USP47: variants seen among roughly 807,000 people sequenced by gnomAD.
The protein encoded by USP47 is ubiquitin carboxyl-terminal hydrolase 47.
Under a neutral mutation model 165.1 loss-of-function variants are expected in USP47, and 35 were observed. The observed-to-expected ratio is 0.21, with a 90% CI of 0.16 to 0.28. The LOEUF is 0.28. Among genes scored for constraint, USP47 ranks in the 10% least tolerant of loss-of-function variants. USP47 has a pLI of 1.00. For missense variants in USP47, 1,277 were observed against 1,607.4 expected, an observed-to-expected ratio of 0.79 and a Z score of 3.52; for synonymous variants, 531 against 544.5, an observed-to-expected ratio of 0.98 and a Z score of 0.35.
At chr11:11,878,798 TG>T (rs746505540) in intron 1 of USP47, 3 of 152,142 alleles carry the variant, frequency 2.0e-5, no homozygotes, top group Non-Finnish European at 4.4e-5. Context: ...AACCCAAAAT[TG>T]TGTGTCACAG....
chr11:11,931,748 T>TA (rs1310834288), intron 14 of USP47, among the ~76,000 whole-genome samples: 1 of 151,970 alleles, frequency 6.6e-6, no homozygotes, highest in Non-Finnish European at 1.5e-5. Flanking sequence ...CTGTTTTTGA[T>TA]AAAATTTTTT....
intron 27 of USP47, 44 bp downstream of exon 27, chr11:11,955,208 G>A (rs757361957): frequency 1.3e-6 from 2 of 1,595,094 alleles, no homozygotes; most frequent in Admixed American, 1.8e-5. Context: ...ATACATTTTT[G>A]GCGTGCATAC....
intron 15 of USP47, 128 bp from the exon 16 acceptor site, chr11:11,933,703 T>C: frequency 1.6e-6 from 1 of 618,596 alleles, no homozygotes; most frequent in Non-Finnish European, 2.8e-6. Context: ...AAAGAATAGA[T>C]AGAAGAGTGA....
chr11:11,902,615 C>A (rs1460969128), intron 5 of USP47, 100 bp from the exon 6 acceptor site: 3 of 890,562 alleles, frequency 3.4e-6, no homozygotes, highest in Non-Finnish European at 4.7e-6. Context: ...TGTATAGCTT[C>A]CAGGATTAAA....
At chr11:11,906,939 T>C (rs1360993460) in intron 8 of USP47, among the ~76,000 whole-genome samples, 2 of 152,176 alleles carry the variant, frequency 1.3e-5, no homozygotes. Flanking sequence ...ATATGGACTA[T>C]TTTTTATACC....
At position 11,959,192 on chromosome 11, in the gene USP47, CT is replaced by C. The variant is rs1847346481; in HGVS notation, c.*3019del. The C allele has an allele frequency of 6.6e-6, 1 of 152,150 alleles. No individual in the cohort carries two copies. Among genetic ancestry groups the C allele is most frequent in the African/African-American group, 2.4e-5 (1 of 41,426 alleles). The allele number at this position is 152,150 out of a possible 1,614,324, so 9.4% of individuals were successfully genotyped here. Reference sequence around the variant, plus strand: ...TCCTTTTTGATTGGATACTGTAGTTCTTCCTCTGGATTTTATTTTGTTCAGC... The same window carrying C: ...TCCTTTTTGATTGGATACTGTAGTTCTCCTCTGGATTTTATTTTGTTCAGC... On this transcript the variant is annotated 3_prime_UTR_variant, in exon 28 of 28. Coordinates refer to ENST00000527733, the MANE Select transcript of USP47 (RefSeq NM_001282659.2).
chr11:11,916,146 T>C (rs1853401154), intron 8 of USP47, among the ~76,000 whole-genome samples: 1 of 152,164 alleles, frequency 6.6e-6, no homozygotes, highest in Non-Finnish European at 1.5e-5. Context: ...TTCTGAAAAT[T>C]ATAGTGTAAA....
intron 1 of USP47, among the ~76,000 whole-genome samples, chr11:11,868,137 T>G (rs375139800): frequency 1.3e-5 from 2 of 152,262 alleles, no homozygotes; most frequent in African/African-American, 4.8e-5. Context: ...ATATCTCATG[T>G]ACTCTTCACC....
At position 11,943,051 on chromosome 11, in the gene USP47, G is replaced by A. The variant is rs1370202525; in HGVS notation, c.3030G>A (p.Gln1010=). The change falls in exon 20 of 28, where the codon CAG becomes CAA. Residue 1010 remains glutamine, a synonymous_variant. Transcript: ENST00000527733. ...DESGKSRGEM[Q]YMYFKAEPYA... ...GTGGCAAGAGTAGGGGAGAAATGCA[G>A]TACATGTATTTCAAAGCTGAACCTT... 2 of 1,613,438 alleles carry A rather than the reference G, an allele frequency of 1.2e-6. No homozygotes were observed. Among genetic ancestry groups the A allele is most frequent in the African/African-American group, 1.3e-5 (1 of 74,998 alleles).
intron 20 of USP47, 106 bp downstream of exon 20, chr11:11,943,218 T>C: frequency 1.6e-6 from 2 of 1,288,794 alleles, no homozygotes; most frequent in South Asian, 1.6e-5. Context: ...AGATCATTTG[T>C]AACTTTCTGG....
rs183708434 is a variant in USP47 at position 11,848,989 on chromosome 11, C to T, written c.39+6765C>T. On this transcript the variant is annotated intron_variant, in intron 1 of 27. Transcript: ENST00000527733. Reference sequence around the variant, plus strand: ...AGTTTAAGTAAAAATGAGGGTTTACCACTATCCCCAACCACACACAAGCAC... The same window carrying T: ...AGTTTAAGTAAAAATGAGGGTTTACTACTATCCCCAACCACACACAAGCAC... Among the ~76,000 whole-genome samples, 7 of 151,544 alleles carry T rather than the reference C, an allele frequency of 4.6e-5. No individual in the cohort carries two copies. In the East Asian group the frequency reaches 1.4e-3, roughly 30 times the overall value.
intron 24 of USP47, 60 bp downstream of exon 24, chr11:11,950,542 C>CCTATAG: frequency 8.9e-7 from 1 of 1,126,330 alleles, no homozygotes. Flanking sequence ...CTAATAGAAG[C>CCTATAG]CTATAGTTTT....
In USP47 at chr11:11,884,506, G is replaced by A. The variant is rs558907261; in HGVS notation, c.283G>A (p.Ala95Thr). ...TACCAGTGACAAGTCACTTCTCGAC[G>A]CTAATTTTGAGCCAGGAAAGAAGAA... ...DHTSDKSLLD[A>T]NFEPGKKNFL... Residue 95 changes from alanine to threonine, a missense_variant, in exon 3 of 28, where the codon GCT becomes ACT. Ala to Thr is a moderately conservative substitution (Grantham distance 58). Around this residue, in one of 4 missense-constraint regions of USP47, gnomAD observed 181 missense variants for 194.7 expected, o/e 0.93. Transcript: ENST00000527733. The A allele has an allele frequency of 1.5e-5, 24 of 1,611,370 alleles. No homozygotes were observed. The highest frequency in any genetic ancestry group is 4.4e-5 in the South Asian group (4 of 90,504).
intron 26 of USP47, 22 bp from the exon 27 acceptor site, chr11:11,955,012 C>T (rs1384247844): frequency 5.6e-6 from 9 of 1,613,114 alleles, no homozygotes; most frequent in Non-Finnish European, 7.6e-6. Context: ...ATGATTTATT[C>T]ATTCATTCTT....
chr11:11,872,202 C>G (rs1009457619), intron 1 of USP47, among the ~76,000 whole-genome samples: 1 of 152,134 alleles, frequency 6.6e-6, no homozygotes, highest in African/African-American at 2.4e-5. Flanking sequence ...TGGTTGTCTG[C>G]TGAGATCTCA....
At chr11:11,861,687 T>G (rs1420771404) in intron 1 of USP47, among the ~76,000 whole-genome samples, 1 of 152,172 alleles carries the variant, frequency 6.6e-6, no homozygotes, top group Non-Finnish European at 1.5e-5. Context: ...TAAAATGGAA[T>G]GCATTTACCT....
intron 10 of USP47, among the ~76,000 whole-genome samples, chr11:11,921,253 G>C (rs1207289634): frequency 2.0e-5 from 3 of 147,794 alleles, no homozygotes; most frequent in Non-Finnish European, 4.5e-5. Context: ...GTTTTGTTTT[G>C]TTTTGTTTTA....
intron 20 of USP47, among the ~76,000 whole-genome samples, chr11:11,944,844 T>A (rs1221348339): frequency 6.6e-6 from 1 of 152,192 alleles, no homozygotes; most frequent in African/African-American, 2.4e-5. Context: ...GGAAATTTCT[T>A]TTAATTGGTT....
chr11:11,872,108 C>T (rs541419298), intron 1 of USP47, among the ~76,000 whole-genome samples: 1 of 152,296 alleles, frequency 6.6e-6, no homozygotes, highest in East Asian at 1.9e-4. Flanking sequence ...TTCTGCTCTG[C>T]TAGGCATCAG....
Sources: allele counts gnomAD v4.1 joint callset (sites outside exome capture counted in the v4.1 genomes callset), GRCh38; gene constraint gnomAD v4.1.1; regional missense constraint gnomAD v4.1.1; transcripts MANE v1.5; gene names NCBI Gene and HGNC (gene_info 2026-07-23, HGNC 2026-07-21).